PIWIL4: variants seen among roughly 807,000 people sequenced by gnomAD.
PIWIL4 encodes piwi-like protein 4.
Under a neutral mutation model 100.9 loss-of-function variants are expected in PIWIL4, and 50 were observed. The ratio of observed to expected loss-of-function variants is 0.50; its 90% CI spans 0.39 to 0.63. The LOEUF (loss-of-function observed/expected upper bound fraction) is 0.63. PIWIL4 is among the 20% of genes least tolerant of loss of function. The pLI, the probability that PIWIL4 is intolerant of heterozygous loss-of-function variation, is 0.00. For missense variants in PIWIL4, 887 were observed against 1,043.3 expected (o/e 0.85, Z 2.06); for synonymous variants, 342 against 367.5 (o/e 0.93, Z 0.79).
chr11:94,582,701 T>C (rs530696531), intron 4 of PIWIL4, among the ~76,000 whole-genome samples: 1 of 152,346 alleles, frequency 6.6e-6, no homozygotes, highest in South Asian at 2.1e-4. Context: ...CATATTCATG[T>C]GTTCATTATA....
At chr11:94,585,587 G>A in intron 6 of PIWIL4, 62 bp downstream of exon 6, 1 of 1,305,942 alleles carries the variant, frequency 7.7e-7, no homozygotes, top group Non-Finnish European at 1.1e-6. Flanking sequence ...CATAATTTAT[G>A]ATGCAATATT....
rs150895826 is a variant in PIWIL4 at position 94,610,859 on chromosome 11, G to A, written c.1943+2173G>A. Among the ~76,000 whole-genome samples, 429 of 152,258 alleles carry A rather than the reference G, an allele frequency of 2.8e-3. 6 individuals carry two copies. The highest frequency in any genetic ancestry group is 9.8e-3 in the African/African-American group (406 of 41,550). On this transcript the variant is annotated intron_variant, in intron 15 of 19. Transcript: ENST00000299001. ...GTCATATTCAGAAAATCATTGCCAA[G>A]ATCAATGTCATGGAGCTTTATGTTT...
In PIWIL4 at chr11:94,567,430, C is replaced by T. The variant is rs925000576; in HGVS notation, c.-89C>T. 8 of 1,212,210 alleles carry T rather than the reference C, an allele frequency of 6.6e-6. No individual in the cohort carries two copies. Among genetic ancestry groups the T allele is most frequent in the African/African-American group, 1.5e-5 (1 of 65,484 alleles). The allele number at this position is 1,212,210 out of a possible 1,614,324, so 75.1% of individuals were successfully genotyped here. ...ATCCACCGCCTCCAGGCAGTTTCGC[C>T]GTCACACCGTCGCCATCTGTAGCCA... On this transcript the variant is annotated 5_prime_UTR_variant, in exon 1 of 20. Transcript: ENST00000299001.
chr11:94,598,401 G>A (rs1565278313), intron 11 of PIWIL4, among the ~76,000 whole-genome samples: 2 of 152,200 alleles, frequency 1.3e-5, no homozygotes, highest in African/African-American at 2.4e-5. Flanking sequence ...AAATCAAGAA[G>A]TATGCACAGA....
chr11:94,589,402 A>G (rs559460189), intron 8 of PIWIL4, among the ~76,000 whole-genome samples, 170 bp downstream of exon 8: 3 of 151,856 alleles, frequency 2.0e-5, no homozygotes, highest in Non-Finnish European at 2.9e-5. Context: ...GTTGACCCTC[A>G]TCCTATCTCC....
In PIWIL4 at chr11:94,616,538, A is replaced by G. The variant is rs767810242; in HGVS notation, c.1989A>G (p.Ala663=). ...CILQRTMTDV[A]DCLKVFMTGA... ...TTCAGAGAACAATGACTGATGTTGCAGATTGCTTGAAAGTTTTCATGACTG... is the reference window on the plus strand; with the variant it reads ...TTCAGAGAACAATGACTGATGTTGCGGATTGCTTGAAAGTTTTCATGACTG... The change falls in exon 16 of 20, where the codon GCA becomes GCG. Residue 663 remains alanine, a synonymous_variant. Coordinates refer to ENST00000299001, the MANE Select transcript of PIWIL4 (RefSeq NM_152431.3). 1.6e-5 allele frequency: 26 copies of G among 1,608,496 alleles called. 1 individual carries two copies. In the South Asian group the frequency reaches 2.9e-4, roughly 18 times the overall value.
At chr11:94,587,851 G>T (rs1948423948) in intron 7 of PIWIL4, among the ~76,000 whole-genome samples, 1 of 152,104 alleles carries the variant, frequency 6.6e-6, no homozygotes, top group South Asian at 2.1e-4. Context: ...TATAAAATTT[G>T]CCCTCATTGC....
chr11:94,593,767 T>G, intron 9 of PIWIL4, 126 bp downstream of exon 9: 1 of 1,033,316 alleles, frequency 9.7e-7, no homozygotes, highest in South Asian at 1.9e-5. Flanking sequence ...AGGATGGTCC[T>G]TTTAAGTAAT....
intron 13 of PIWIL4, among the ~76,000 whole-genome samples, chr11:94,605,386 T>A (rs1948702115): frequency 6.6e-6 from 1 of 152,204 alleles, no homozygotes; most frequent in Non-Finnish European, 1.5e-5. Flanking sequence ...TGATGTCTCC[T>A]CATGATTAAA....
rs141525553 is a variant in PIWIL4, at chr11:94,592,189, T to TA, written c.1027-1327dup. On this transcript the variant is annotated intron_variant, in intron 8 of 19. Coordinates refer to ENST00000299001, the MANE Select transcript of PIWIL4 (RefSeq NM_152431.3). The stretch of plus-strand genomic sequence containing the variant: ...CTGAGTGGTATAATAAGCAGAGTCT[T>TA]AACAGATCAATCCTAGCTGTGCTAA... Among the ~76,000 whole-genome samples, 714 of 152,340 alleles carry TA rather than the reference T, an allele frequency of 4.7e-3. 1 individual carries two copies. Among genetic ancestry groups the TA allele is most frequent in the African/African-American group, 0.016 (684 of 41,570 alleles).
At chr11:94,577,550 TAC>T in intron 4 of PIWIL4, 58 bp downstream of exon 4, 44 of 1,324,320 alleles carry the variant, frequency 3.3e-5, no homozygotes, top group Middle Eastern at 2.3e-4. Flanking sequence ...TATATGTGTA[TAC>T]ACACACACAT....
chr11:94,605,810 T>G (rs1242741293), intron 13 of PIWIL4, among the ~76,000 whole-genome samples: 1 of 152,216 alleles, frequency 6.6e-6, no homozygotes. Flanking sequence ...TTACTCTTAT[T>G]ATTTATTTTG....
intron 15 of PIWIL4, 91 bp downstream of exon 15, chr11:94,608,777 T>G (rs2135294571): frequency 9.1e-7 from 1 of 1,099,562 alleles, no homozygotes; most frequent in East Asian, 2.4e-5. Context: ...GAATATTTTG[T>G]ATTATTCACT....
intron 14 of PIWIL4, among the ~76,000 whole-genome samples, chr11:94,607,988 G>T (rs1238895001): frequency 6.6e-6 from 1 of 152,196 alleles, no homozygotes; most frequent in East Asian, 1.9e-4. Flanking sequence ...AGCCTGGGGA[G>T]CTGGCATAGC....
intron 6 of PIWIL4, among the ~76,000 whole-genome samples, chr11:94,585,936 A>G (rs1369336384): frequency 6.6e-6 from 1 of 152,168 alleles, no homozygotes; most frequent in East Asian, 1.9e-4. Context: ...CCTTATGAAC[A>G]CCTGCAGAAT....
At chr11:94,567,692 T>A in intron 1 of PIWIL4, 87 bp downstream of exon 1, 1 of 1,382,426 alleles carries the variant, frequency 7.2e-7, no homozygotes, top group Non-Finnish European at 9.5e-7. Context: ...ATGTATCTCC[T>A]CCTCTCTGTT....
Position 94,567,406 on chromosome 11 carries a change from TCC to T in PIWIL4, c.-112_-111del. ...CGGCGTTGGTTGTGGATGCTGGACA[TCC>T]ACCGCCTCCAGGCAGTTTCGCCGTC... On this transcript the variant is annotated 5_prime_UTR_variant, in exon 1 of 20. An upstream open reading frame in the 5' UTR loses its in-frame stop. Coordinates refer to ENST00000299001, the MANE Select transcript of PIWIL4 (RefSeq NM_152431.3). 2 of 973,542 alleles carry T rather than the reference TCC, an allele frequency of 2.1e-6. No individual in the cohort carries two copies. Among genetic ancestry groups the T allele is most frequent in the East Asian group, 5.6e-5 (2 of 35,574 alleles). The allele number at this position is 973,542 out of a possible 1,614,324, so 60.3% of individuals were successfully genotyped here. A position where few individuals can be genotyped will look rare whatever the true frequency, so the allele number is the denominator to read the frequency against.
At chr11:94,583,218 T>C (rs984242712) in intron 4 of PIWIL4, among the ~76,000 whole-genome samples, 9 of 152,210 alleles carry the variant, frequency 5.9e-5, no homozygotes, top group Admixed American at 4.6e-4. Context: ...CTGGCTTTAA[T>C]TCTCCCTTAA....
chr11:94,574,951 T>G, intron 2 of PIWIL4, 48 bp from the exon 3 acceptor site: 1 of 1,572,560 alleles, frequency 6.4e-7, no homozygotes. Context: ...GCAAACAGTA[T>G]CACTAGAATG....
Sources: gnomAD v4.1 joint callset for allele counts (sites outside exome capture counted in the v4.1 genomes callset) on GRCh38, gnomAD v4.1.1 for gene constraint, MANE v1.5 for transcripts, NCBI Gene and HGNC (gene_info 2026-07-23, HGNC 2026-07-21) for gene names.